The following ZNF667 variants were observed in gnomAD, a reference collection of about 807,000 sequenced individuals.
ZNF667 encodes the protein myocardial ischemic preconditioning upregulated 1 ortholog.
ZNF667 carries 13 observed loss-of-function variants against 31.8 expected under a neutral mutation model. The observed-to-expected ratio is 0.41, with a 90% confidence interval of 0.27 to 0.65. The LOEUF (loss-of-function observed/expected upper bound fraction) is 0.65, where lower values mean the gene tolerates loss of function less well. Among genes scored for constraint, ZNF667 ranks in the 30% least tolerant of loss-of-function variants. ZNF667 has a pLI of 0.32. For synonymous variants in ZNF667, 228 were observed against 247.1 expected (o/e 0.92, Z 0.73); for missense variants, 642 against 725.6 (o/e 0.88, Z 1.32).
chr19:56,474,522 T>C, intron 1 of ZNF667: 1 of 152,306 alleles, frequency 6.6e-6, no homozygotes, highest in East Asian at 1.9e-4. Context: ...ACACATTAGG[T>C]TACCTCACTT....
chr19:56,472,875 G>A (rs1174997658), intron 2 of ZNF667: 2 of 152,144 alleles, frequency 1.3e-5, no homozygotes, highest in Non-Finnish European at 2.9e-5. Flanking sequence ...CACTGTTCAA[G>A]GGTCAACCAC....
At position 56,442,172 on chromosome 19, in the gene ZNF667, G is replaced by A. The variant is rs780303100; in HGVS notation, c.823C>T (p.His275Tyr). 6.2e-6 allele frequency: 10 copies of A among 1,613,348 alleles called. No individual in the cohort carries two copies. Among genetic ancestry groups the A allele is most frequent in the Admixed American group, 1.7e-5 (1 of 59,852 alleles). ...MSSLLLHKKI[H>Y]NGKKTHKYNK... The stretch of plus-strand genomic sequence containing the variant: ...TATTTATGTGTTTTCTTTCCATTGT[G>A]AATTTTCTTATGAAGTAAAAGGGAT... The change falls in exon 7 of 7, where the codon CAC (histidine) becomes TAC (tyrosine). Residue 275 changes from histidine to tyrosine, a missense_variant. Coordinates refer to ENST00000504904, the MANE Select transcript of ZNF667 (RefSeq NM_001321356.2).
At chr19:56,443,566 G>A (rs1305061902) in intron 6 of ZNF667, among the ~76,000 whole-genome samples, 2 of 152,060 alleles carry the variant, frequency 1.3e-5, no homozygotes, top group Non-Finnish European at 1.5e-5. Flanking sequence ...AAGTATTTAT[G>A]TATCTAAATA....
At chr19:56,444,253 C>G (rs1213656229) in intron 6 of ZNF667, 6 of 398,380 alleles carry the variant, frequency 1.5e-5, no homozygotes, top group Non-Finnish European at 2.7e-5. Context: ...CTGGCACCTC[C>G]TTGGCTTCTG....
At chr19:56,470,103 T>C (rs1279147075) in intron 3 of ZNF667, 1 of 447,018 alleles carries the variant, frequency 2.2e-6, no homozygotes, top group South Asian at 1.6e-5. Context: ...TTGCTGGGTC[T>C]TTACCTCCCT....
chr19:56,441,146 T>C lies in ZNF667; in HGVS notation c.*16A>G. 2.5e-6 allele frequency: 4 copies of C among 1,579,486 alleles called. No homozygotes were observed. The highest frequency in any genetic ancestry group is 3.4e-6 in the Non-Finnish European group (4 of 1,161,736). The stretch of plus-strand genomic sequence containing the variant: ...TTGATAGCCTCATTCGTTGATTTTA[T>C]AGATTTAAAACAACCTTAGGCTTTT... On this transcript the variant is annotated 3_prime_UTR_variant, in exon 7 of 7. Coordinates refer to ENST00000504904, the MANE Select transcript of ZNF667 (RefSeq NM_001321356.2). This position sits in a 1 kb window ranked among gnomAD's most constrained non-coding sequence, Gnocchi z 4.2.
chr19:56,475,003 C>T (rs1422617290), intron 1 of ZNF667: 1 of 152,114 alleles, frequency 6.6e-6, no homozygotes, highest in Non-Finnish European at 1.5e-5. Context: ...AAGTCAAACT[C>T]TTAGATTCCC....
chr19:56,442,503 G>A lies in ZNF667; in HGVS notation c.492C>T (p.Asn164=), dbSNP rs778307573. The A allele has an allele frequency of 6.2e-7, 1 of 1,613,528 alleles. No individual in the cohort carries two copies. Among genetic ancestry groups the A allele is most frequent in the Admixed American group, 1.7e-5 (1 of 59,910 alleles). Residue 164 remains asparagine, a synonymous_variant, in exon 7 of 7, where the codon AAC becomes AAT. Transcript: ENST00000504904. Reference sequence around the variant, plus strand: ...CAAAAGGCTTCTCTCCTGTATGAATGTTCTGATGAAGTTTAAGAGAGAAGC... The same window carrying A: ...CAAAAGGCTTCTCTCCTGTATGAATATTCTGATGAAGTTTAAGAGAGAAGC... ...SRSFSLKLHQ[N]IHTGEKPFEC... is the part of the protein sequence containing the mutation.
chr19:56,465,327 T>A (rs1200885442), intron 3 of ZNF667, among the ~76,000 whole-genome samples: 1 of 152,096 alleles, frequency 6.6e-6, no homozygotes, highest in Admixed American at 6.5e-5. Flanking sequence ...CAGGCTTGAG[T>A]TCAGAGTTAG....
At chr19:56,454,444 A>C (rs969597871) in intron 6 of ZNF667, among the ~76,000 whole-genome samples, 1 of 152,188 alleles carries the variant, frequency 6.6e-6, no homozygotes, top group African/African-American at 2.4e-5. Flanking sequence ...ACAGAGCTAT[A>C]GTAATCAAAA....
At chr19:56,449,492 C>G (rs149453650) in intron 6 of ZNF667, 639 of 249,358 alleles carry the variant, frequency 2.6e-3, no homozygotes, top group Non-Finnish European at 4.4e-3. Flanking sequence ...CCAGCCTGAC[C>G]AACATGGTGA....
chr19:56,455,515 C>A (rs1158954387), intron 6 of ZNF667, among the ~76,000 whole-genome samples: 1 of 152,022 alleles, frequency 6.6e-6, no homozygotes, highest in Non-Finnish European at 1.5e-5. Flanking sequence ...GGGAAATAAG[C>A]CAGACACAGA....
chr19:56,454,911 T>C (rs1600422817), intron 6 of ZNF667, among the ~76,000 whole-genome samples: 1 of 152,022 alleles, frequency 6.6e-6, no homozygotes, highest in East Asian at 1.9e-4. Context: ...GAGAAAATAT[T>C]TGCAAACTAC....
At chr19:56,459,729 C>T (rs139895319) in intron 5 of ZNF667, among the ~76,000 whole-genome samples, 14 of 152,318 alleles carry the variant, frequency 9.2e-5, no homozygotes, top group African/African-American at 3.4e-4. Flanking sequence ...TGCGGTGGCT[C>T]ATGCCTGTAA....
chr19:56,465,861 G>A (rs146688088), intron 3 of ZNF667, among the ~76,000 whole-genome samples: 7 of 152,322 alleles, frequency 4.6e-5, no homozygotes, highest in East Asian at 1.9e-4. Flanking sequence ...TTCCCTACAC[G>A]GATATAAAAC....
At chr19:56,469,164 CTG>C (rs1381637017) in intron 3 of ZNF667, among the ~76,000 whole-genome samples, 1 of 152,206 alleles carries the variant, frequency 6.6e-6, no homozygotes, top group African/African-American at 2.4e-5. Context: ...TGAAGCCGGC[CTG>C]TGAGGCCACT....
chr19:56,473,611 G>A (rs1024046986), intron 2 of ZNF667, among the ~76,000 whole-genome samples: 1 of 152,174 alleles, frequency 6.6e-6, no homozygotes, highest in Non-Finnish European at 1.5e-5. Context: ...TGTCACATCT[G>A]GGAGTAGGGG....
chr19:56,450,477 T>C (rs2042797850), intron 6 of ZNF667, among the ~76,000 whole-genome samples: 1 of 152,178 alleles, frequency 6.6e-6, no homozygotes, highest in South Asian at 2.1e-4. Flanking sequence ...TATAGGGAGT[T>C]CATCAGTCTG....
At chr19:56,452,040 A>T (rs2042840087) in intron 6 of ZNF667, among the ~76,000 whole-genome samples, 1 of 151,894 alleles carries the variant, frequency 6.6e-6, no homozygotes, top group African/African-American at 2.4e-5. Flanking sequence ...TGGGTCAATG[A>T]AGAAATCTCT....
Sources: gnomAD v4.1 joint callset for allele counts (sites outside exome capture counted in the v4.1 genomes callset) on GRCh38, gnomAD v4.1.1 for gene constraint, Gnocchi (gnomAD v3.1) non-coding constraint, MANE v1.5 for transcripts, NCBI Gene and HGNC (gene_info 2026-07-23, HGNC 2026-07-21) for gene names.